AMOT: variants seen among roughly 807,000 people sequenced by gnomAD.
AMOT encodes angiomotin.
Under a neutral mutation model 67.0 loss-of-function variants are expected in AMOT, and 11 were observed. That is an observed-to-expected ratio of 0.16 (90% CI 0.10 to 0.27). The LOEUF (loss-of-function observed/expected upper bound fraction) is 0.27, where lower values mean the gene tolerates loss of function less well. AMOT is among the 10% of genes least tolerant of loss of function. AMOT has a pLI of 1.00. For missense variants in AMOT, 753 were observed against 852.0 expected (o/e 0.88, Z 1.45); for synonymous variants, 326 against 321.4 (o/e 1.01, Z -0.15).
At chrX:112,809,841 C>G (rs778642262) in intron 7 of AMOT, 53 bp downstream of exon 7, 169 of 1,039,584 alleles carry the variant, frequency 1.6e-4, no homozygotes, top group Admixed American at 6.2e-4. Flanking sequence ...TCTTTTCACG[C>G]ACCTTGCTCC....
chrX:112,789,252 C>G (rs895890387), intron 10 of AMOT, among the ~76,000 whole-genome samples: 2 of 111,759 alleles, frequency 1.8e-5, no homozygotes, highest in Non-Finnish European at 3.8e-5. Context: ...TCCTTGGGAG[C>G]TAGCAGGTAA....
intron 3 of AMOT, among the ~76,000 whole-genome samples, chrX:112,823,449 T>C (rs16987105): frequency 0.033 from 3,639 of 111,487 alleles, 162 homozygotes; most frequent in African/African-American, 0.11. Context: ...CTAAGAATGC[T>C]TGAGAAACCT....
intron 8 of AMOT, among the ~76,000 whole-genome samples, chrX:112,798,604 G>A (rs1015337703): frequency 2.7e-5 from 3 of 111,905 alleles, no homozygotes; most frequent in East Asian, 5.6e-4. Flanking sequence ...ATTAAATAAC[G>A]ATTACATTCA....
chrX:112,782,556 G>C lies in AMOT; in HGVS notation c.2224C>G (p.Leu742Val), dbSNP rs371224548. 8.3e-7 allele frequency: 1 copy of C among 1,209,815 alleles called. No individual in the cohort carries two copies. Among genetic ancestry groups the C allele is most frequent in the African/African-American group, 1.8e-5 (1 of 57,107 alleles). The part of the protein sequence containing the change: ...EEILMANKRC[L>V]DMEGRIKTLH... ...ACATTTTACCTGCCCTCCATGTCAA[G>C]GCAACGCTTATTGGCCATCAAGATT... Residue 742 changes from leucine to valine, a missense_variant, in exon 11 of 14, where the codon CTT becomes GTT. Around this residue, in one of 5 missense-constraint regions of AMOT, gnomAD observed 269 missense variants for 300.9 expected, o/e 0.89. Coordinates refer to ENST00000371959, the MANE Select transcript of AMOT (RefSeq NM_001113490.2).
chrX:112,838,970 T>A (rs767636291), intron 1 of AMOT, among the ~76,000 whole-genome samples: 1 of 112,617 alleles, frequency 8.9e-6, no homozygotes, highest in South Asian at 3.7e-4. Context: ...CACCTGGCTG[T>A]TAAAATGTCC....
chrX:112,804,903 G>GCCCCCCC, intron 8 of AMOT, 44 bp downstream of exon 8: 1 of 380,711 alleles, frequency 2.6e-6, no homozygotes, highest in Non-Finnish European at 5.1e-6. Context: ...CGATTTCCCA[G>GCCCCCCC]CCCTCCCACC....
chrX:112,838,958 A>G (rs996271915), intron 1 of AMOT, among the ~76,000 whole-genome samples: 4 of 112,464 alleles, frequency 3.6e-5, no homozygotes, highest in African/African-American at 9.7e-5. Context: ...CTACTCTACA[A>G]CCACCTGGCT....
At chrX:112,820,558 C>T (rs968574918) in intron 4 of AMOT, among the ~76,000 whole-genome samples, 11 of 111,335 alleles carry the variant, frequency 9.9e-5, no homozygotes, top group Non-Finnish European at 3.8e-5. Context: ...AATAGCTTTC[C>T]TGGGAAGGCG....
chrX:112,831,478 A>C (rs772496396), intron 2 of AMOT, among the ~76,000 whole-genome samples: 1 of 107,674 alleles, frequency 9.3e-6, no homozygotes, highest in Non-Finnish European at 1.9e-5. Context: ...TAAATAAATA[A>C]ATAAATAAAT....
chrX:112,815,796 C>A lies in AMOT; in HGVS notation c.954G>T (p.Gly318=). The change falls in exon 5 of 14, where the codon GGG becomes GGT. Residue 318 remains glycine, a synonymous_variant. Coordinates refer to ENST00000371959, the MANE Select transcript of AMOT (RefSeq NM_001113490.2). ...HSPTSSLTSG[G]SLPLLQSPPS... ...GTGGAGATTGTAGCAAGGGCAAGGA[C>A]CCCCCAGAGGTCAGAGAAGAAGTAG... 6.9e-6 allele frequency: 8 copies of A among 1,167,045 alleles called. No homozygotes were observed. The highest frequency in any genetic ancestry group is 8.0e-6 in the Non-Finnish European group (7 of 872,880).
chrX:112,810,086 T>TAACAAGAAGAAACAGG, intron 6 of AMOT, 100 bp from the exon 7 acceptor site: 1 of 657,574 alleles, frequency 1.5e-6, no homozygotes, highest in Non-Finnish European at 2.4e-6. Flanking sequence ...CAAGCCTGTT[T>TAACAAGAAGAAACAGG]CTTCTTGTTA....
At chrX:112,803,892 C>A (rs1484567845) in intron 8 of AMOT, among the ~76,000 whole-genome samples, 2 of 111,946 alleles carry the variant, frequency 1.8e-5, no homozygotes, top group Non-Finnish European at 3.8e-5. Context: ...TAAAACAATT[C>A]AAATTTCAGA....
intron 8 of AMOT, among the ~76,000 whole-genome samples, chrX:112,799,536 G>C (rs1046705337): frequency 1.8e-5 from 2 of 111,740 alleles, no homozygotes; most frequent in African/African-American, 6.5e-5. Context: ...TCATACCACT[G>C]GTTATATGTT....
Position 112,827,210 on chromosome X carries a change from G to A in AMOT, c.-211-1990C>T, listed in dbSNP as rs763571570. Among the ~76,000 whole-genome samples, 5 of 112,281 alleles carry A rather than the reference G, an allele frequency of 4.5e-5. No homozygotes were observed. In the South Asian group the frequency reaches 1.5e-3, roughly 33 times the overall value. ...ACTTTATGTTAACTGGACACAGATCGTTCCCCTACCCTCTCACCCTCCTCC... is the reference window on the plus strand; with the variant it reads ...ACTTTATGTTAACTGGACACAGATCATTCCCCTACCCTCTCACCCTCCTCC... On this transcript the variant is annotated intron_variant, in intron 2 of 13. Transcript: ENST00000371959.
At chrX:112,794,123 T>C (rs143480940) in intron 8 of AMOT, among the ~76,000 whole-genome samples, 1 of 112,275 alleles carries the variant, frequency 8.9e-6, no homozygotes, top group South Asian at 3.7e-4. Context: ...TTAGATAGCA[T>C]GCAGTTCTTG....
intron 8 of AMOT, among the ~76,000 whole-genome samples, chrX:112,803,749 A>AG (rs1256267535): frequency 8.9e-6 from 1 of 112,634 alleles, no homozygotes; most frequent in Admixed American, 9.4e-5. Flanking sequence ...AGGGAAAGGA[A>AG]GCAAGCAATG....
intron 4 of AMOT, among the ~76,000 whole-genome samples, chrX:112,820,831 T>C (rs1464282914): frequency 2.7e-5 from 3 of 111,001 alleles, no homozygotes; most frequent in African/African-American, 6.6e-5. Flanking sequence ...CTTTTAAACC[T>C]GAGTAGCCTT....
intron 4 of AMOT, chrX:112,819,481 A>C: frequency 6.5e-6 from 4 of 618,133 alleles, no homozygotes; most frequent in African/African-American, 2.4e-5. Context: ...CAAGGATTTC[A>C]AGAAACCTCA....
intron 8 of AMOT, among the ~76,000 whole-genome samples, chrX:112,796,075 T>C (rs1197462555): frequency 9.1e-6 from 1 of 109,623 alleles, no homozygotes; most frequent in African/African-American, 3.3e-5. Flanking sequence ...TCTCAGAAGA[T>C]CTCTAAGAGT....
Sources: allele counts gnomAD v4.1 joint callset (sites outside exome capture counted in the v4.1 genomes callset), GRCh38; gene constraint gnomAD v4.1.1; regional missense constraint gnomAD v4.1.1; transcripts MANE v1.5; gene names NCBI Gene and HGNC (gene_info 2026-07-23, HGNC 2026-07-21).